The following UBE3C variants were observed in gnomAD, a reference collection of about 807,000 sequenced individuals.
UBE3C encodes ubiquitin protein ligase E3C.
UBE3C carries 42 observed loss-of-function variants against 129.4 expected under a neutral mutation model. That is an observed-to-expected ratio of 0.32 (90% CI 0.25 to 0.42). The LOEUF is 0.42. UBE3C is among the 10% of genes least tolerant of loss of function. UBE3C has a pLI of 1.00. For synonymous variants in UBE3C, 510 were observed against 492.4 expected, an observed-to-expected ratio of 1.04 and a Z score of -0.47; for missense variants, 1,049 against 1,319.1, an observed-to-expected ratio of 0.80 and a Z score of 3.17.
At chr7:157,254,355 G>A in intron 21 of UBE3C, 45 bp downstream of exon 21, 1 of 1,207,084 alleles carries the variant, frequency 8.3e-7, no homozygotes, top group Non-Finnish European at 1.1e-6. Context: ...TGTTGCAGGT[G>A]GTCATATTTC....
intron 22 of UBE3C, among the ~76,000 whole-genome samples, chr7:157,260,912 C>T (rs528100951): frequency 9.9e-5 from 15 of 152,282 alleles, no homozygotes; most frequent in Non-Finnish European, 1.6e-4. Context: ...TCTCCACCTC[C>T]GTGATGCCTC....
chr7:157,233,401 C>A (rs1450834977), intron 18 of UBE3C, among the ~76,000 whole-genome samples: 1 of 151,970 alleles, frequency 6.6e-6, no homozygotes, highest in Non-Finnish European at 1.5e-5. Context: ...CTTTCAGCCT[C>A]CCGAGTAGCT....
chr7:157,252,932 T>C (rs1796655153), intron 19 of UBE3C, among the ~76,000 whole-genome samples: 1 of 152,176 alleles, frequency 6.6e-6, no homozygotes, highest in African/African-American at 2.4e-5. Flanking sequence ...GAAATACAGG[T>C]GGGGGTCTTG....
At chr7:157,231,441 A>T (rs1584806377) in intron 18 of UBE3C, 114 bp downstream of exon 18, 1 of 1,489,406 alleles carries the variant, frequency 6.7e-7, no homozygotes, top group Non-Finnish European at 9.0e-7. Flanking sequence ...TTAAATTTGG[A>T]TGCTAAATGT....
chr7:157,140,020 T>G (rs1807393673), intron 1 of UBE3C: 4 of 985,294 alleles, frequency 4.1e-6, no homozygotes, highest in Non-Finnish European at 4.8e-6. Flanking sequence ...GTTCGCATGG[T>G]AATTGTTTAG....
At chr7:157,214,941 C>T (rs1273795394) in intron 13 of UBE3C, among the ~76,000 whole-genome samples, 2 of 152,188 alleles carry the variant, frequency 1.3e-5, no homozygotes, top group Non-Finnish European at 1.5e-5. Context: ...GTATGTGCAG[C>T]TAAGCCCCTG....
intron 15 of UBE3C, chr7:157,221,718 GGTGACA>G (rs1302771179): frequency 6.6e-6 from 1 of 152,090 alleles, no homozygotes; most frequent in Non-Finnish European, 1.5e-5. Flanking sequence ...CTCCAGCCTG[GGTGACA>G]GTATAAGACT....
At chr7:157,163,036 C>A (rs960131541) in intron 1 of UBE3C, among the ~76,000 whole-genome samples, 5 of 151,992 alleles carry the variant, frequency 3.3e-5, no homozygotes. Flanking sequence ...AAATTGATTT[C>A]TTCATTGAAA....
chr7:157,200,991 G>A (rs1563053542), intron 10 of UBE3C, among the ~76,000 whole-genome samples: 1 of 152,108 alleles, frequency 6.6e-6, no homozygotes, highest in African/African-American at 2.4e-5. Context: ...TTCAAGAAAA[G>A]TGACTTGAGT....
chr7:157,237,895 A>AAG (rs60098600), intron 18 of UBE3C, among the ~76,000 whole-genome samples: 50,601 of 151,218 alleles, frequency 0.33, 11,492 homozygotes, highest in African/African-American at 0.64. Flanking sequence ...ACTAAAAAAA[A>AAG]AAAAAAAGTA....
chr7:157,139,441 C>T lies in UBE3C; in HGVS notation c.66+103C>T, dbSNP rs1390507620. On this transcript the variant is annotated intron_variant, in intron 1 of 22. Transcript: ENST00000348165. ...CTCGGGGCTGGACTCGGGGCCGAGA[C>T]TTGGGGCTGGATTCGGGGCCTCCCT... 23 of 359,934 alleles carry T rather than the reference C, an allele frequency of 6.4e-5. No homozygotes were observed. The East Asian group carries it at 1.5e-3, about 23-fold the overall frequency. The allele number at this position is 359,934 out of a possible 1,614,324, so 22.3% of individuals were successfully genotyped here.
rs1346493342 is a variant in UBE3C at position 157,223,102 on chromosome 7, G to C, written c.2003-152G>C. 4.2e-6 allele frequency: 3 copies of C among 715,856 alleles called. No homozygotes were observed. In the African/African-American group the frequency reaches 5.2e-5, roughly 12 times the overall value. 44.3% of individuals were successfully genotyped at this position (715,856 alleles called of 1,614,324 possible). ...TGATCCTGCACTGTGCATGGCTCATGGGTCTGCCTGAGGCGGGGATGTGTT... is the reference window on the plus strand; with the variant it reads ...TGATCCTGCACTGTGCATGGCTCATCGGTCTGCCTGAGGCGGGGATGTGTT... On this transcript the variant is annotated intron_variant, in intron 15 of 22. Transcript: ENST00000348165.
At chr7:157,265,863 G>A (rs1182413) in intron 22 of UBE3C, among the ~76,000 whole-genome samples, 88,331 of 152,124 alleles carry the variant, frequency 0.58, 26,524 homozygotes, top group South Asian at 0.65. Flanking sequence ...ATACCAGAAC[G>A]TCATGAACAC....
At chr7:157,151,915 C>T (rs192683224) in intron 1 of UBE3C, among the ~76,000 whole-genome samples, 3 of 152,194 alleles carry the variant, frequency 2.0e-5, no homozygotes, top group Non-Finnish European at 4.4e-5. Flanking sequence ...TCTGAGAACT[C>T]TTCTGCACAG....
intron 9 of UBE3C, among the ~76,000 whole-genome samples, chr7:157,185,860 A>G (rs6954050): frequency 0.48 from 72,252 of 151,966 alleles, 19,795 homozygotes; most frequent in African/African-American, 0.77. Context: ...TATCTATAAA[A>G]CAGTGTTTTG....
At chr7:157,184,524 A>G (rs979212759) in intron 9 of UBE3C, among the ~76,000 whole-genome samples, 1 of 152,222 alleles carries the variant, frequency 6.6e-6, no homozygotes, top group East Asian at 1.9e-4. Flanking sequence ...TTATATATAC[A>G]TGCATACATA....
chr7:157,239,236 A>AT (rs1796232743), intron 18 of UBE3C, among the ~76,000 whole-genome samples: 1 of 152,350 alleles, frequency 6.6e-6, no homozygotes, highest in East Asian at 1.9e-4. Flanking sequence ...TAATAAATAA[A>AT]TTGTAGGATA....
At chr7:157,255,196 T>C (rs1041310835) in intron 21 of UBE3C, among the ~76,000 whole-genome samples, 1 of 152,066 alleles carries the variant, frequency 6.6e-6, no homozygotes, top group African/African-American at 2.4e-5. Flanking sequence ...GATAGATAAA[T>C]GGCCAGTAAG....
intron 18 of UBE3C, among the ~76,000 whole-genome samples, chr7:157,235,628 T>G (rs1010945004): frequency 1.3e-5 from 2 of 152,204 alleles, no homozygotes; most frequent in Non-Finnish European, 2.9e-5. Context: ...AATTTGTGAT[T>G]TTAAACCTTT....
Sources: allele counts gnomAD v4.1 joint callset (sites outside exome capture counted in the v4.1 genomes callset), GRCh38; gene constraint gnomAD v4.1.1; transcripts MANE v1.5; gene names NCBI Gene and HGNC (gene_info 2026-07-23, HGNC 2026-07-21).